The following PCDHA1 variants were observed in gnomAD, a reference collection of about 807,000 sequenced individuals.
PCDHA1 encodes the protein protocadherin alpha 1.
In PCDHA1, 42 loss-of-function variants were observed where a neutral mutation model predicts 61.3. That is an observed-to-expected ratio of 0.69 (90% CI 0.54 to 0.89). The LOEUF is 0.89. Among genes scored for constraint, PCDHA1 ranks in the 40% least tolerant of loss-of-function variants. PCDHA1 has a pLI of 0.00. For missense variants in PCDHA1, 1,256 were observed against 1,235.3 expected (o/e 1.02, Z -0.25); for synonymous variants, 610 against 553.8 (o/e 1.10, Z -1.43).
Position 140,927,948 on chromosome 5 carries a change from C to T in PCDHA1, c.2395-51001C>T, listed in dbSNP as rs1012110026. The T allele has an allele frequency of 4.3e-6, 7 of 1,614,072 alleles. No homozygotes were observed. In the African/African-American group the frequency reaches 5.3e-5, roughly 12 times the overall value. On this transcript the variant is annotated intron_variant, in intron 1 of 3. Transcript: ENST00000504120. The stretch of plus-strand genomic sequence containing the variant: ...CTCTTTCGAACCCAGTACCTGAGGA[C>T]GCTGCCCCTGGCACAGTGATTGCTC...
intron 1 of PCDHA1, chr5:140,796,636 G>A (rs1355078220): frequency 1.9e-6 from 3 of 1,613,770 alleles, no homozygotes; most frequent in South Asian, 2.2e-5. Flanking sequence ...CGTGCTGGAC[G>A]AGAACGACAA....
chr5:140,910,958 C>G (rs571427431), intron 1 of PCDHA1, among the ~76,000 whole-genome samples: 2 of 152,220 alleles, frequency 1.3e-5, no homozygotes, highest in East Asian at 3.9e-4. Context: ...TCGAGTGTAG[C>G]ACACCTCCTC....
At chr5:140,996,386 C>G (rs574909973) in intron 3 of PCDHA1, among the ~76,000 whole-genome samples, 1 of 152,268 alleles carries the variant, frequency 6.6e-6, no homozygotes, top group South Asian at 2.1e-4. Flanking sequence ...GAAATAATGC[C>G]TCATAGAGTT....
At chr5:140,803,147 G>A in intron 1 of PCDHA1, 1 of 1,613,888 alleles carries the variant, frequency 6.2e-7, no homozygotes, top group Admixed American at 1.7e-5. Context: ...TACTGGTGCT[G>A]GTGAAGGACC....
Position 140,857,753 on chromosome 5 carries a change from G to C in PCDHA1, c.2394+69069G>C, listed in dbSNP as rs782054220. 1.3e-5 allele frequency: 20 copies of C among 1,597,296 alleles called. No individual in the cohort carries two copies. The East Asian group carries it at 4.5e-4, about 36-fold the overall frequency. On this transcript the variant is annotated intron_variant, in intron 1 of 3. Coordinates refer to ENST00000504120, the MANE Select transcript of PCDHA1 (RefSeq NM_018900.4). ...CGCTCCCGCGCTGCTGGCGTCTCCC[G>C]CTGGCAGCGCGGGCGGTGCAGTCAG... is the stretch of plus-strand genomic sequence containing the variant.
chr5:140,982,741 T>C (rs2097000256), intron 3 of PCDHA1, among the ~76,000 whole-genome samples, 178 bp downstream of exon 3: 1 of 152,164 alleles, frequency 6.6e-6, no homozygotes, highest in Admixed American at 6.6e-5. Flanking sequence ...TACCTAATGC[T>C]CTTCAGGAGT....
chr5:140,830,031 T>G (rs1243555382), intron 1 of PCDHA1: 1 of 1,613,728 alleles, frequency 6.2e-7, no homozygotes, highest in Non-Finnish European at 8.5e-7. Context: ...CGCCACCGGC[T>G]GCTGGTGCTG....
At chr5:140,914,488 G>T (rs1437401245) in intron 1 of PCDHA1, among the ~76,000 whole-genome samples, 1 of 152,080 alleles carries the variant, frequency 6.6e-6, no homozygotes, top group Non-Finnish European at 1.5e-5. Flanking sequence ...AGTGTTTCTT[G>T]TGGGCAACAG....
chr5:141,003,044 T>C (rs1459180030), intron 3 of PCDHA1, among the ~76,000 whole-genome samples: 1 of 152,230 alleles, frequency 6.6e-6, no homozygotes, highest in African/African-American at 2.4e-5. Flanking sequence ...CCTCCTGGCC[T>C]TAACAGAACA....
intron 3 of PCDHA1, among the ~76,000 whole-genome samples, chr5:140,996,256 A>C (rs2097718697): frequency 6.6e-6 from 1 of 152,252 alleles, no homozygotes. Flanking sequence ...TGACAGCAAC[A>C]CAGAGCCTGG....
In PCDHA1 at chr5:140,883,232, G is replaced by C. The variant is rs782490836; in HGVS notation, c.2394+94548G>C. 3 of 1,613,952 alleles carry C rather than the reference G, an allele frequency of 1.9e-6. No individual in the cohort carries two copies. The Admixed American group carries it at 5.0e-5, about 27-fold the overall frequency. On this transcript the variant is annotated intron_variant, in intron 1 of 3. Transcript: ENST00000504120. ...GAAATTATATGAAATATCCGTGGAGGCAGTTGACAAAGGAAATATTCCAAT... is the reference window on the plus strand; with the variant it reads ...GAAATTATATGAAATATCCGTGGAGCCAGTTGACAAAGGAAATATTCCAAT...
intron 1 of PCDHA1, among the ~76,000 whole-genome samples, chr5:140,953,278 T>C (rs1227774652): frequency 6.6e-5 from 10 of 152,146 alleles, no homozygotes; most frequent in African/African-American, 2.4e-4. Flanking sequence ...CTTTGCTCTT[T>C]ATATGTGATT....
chr5:140,821,899 A>T, intron 1 of PCDHA1: 2 of 1,614,162 alleles, frequency 1.2e-6, no homozygotes, highest in Non-Finnish European at 1.7e-6. Context: ...CAAACACGGA[A>T]CCTTCGTTGG....
chr5:140,927,193 C>A, intron 1 of PCDHA1: 1 of 1,614,186 alleles, frequency 6.2e-7, no homozygotes, highest in Non-Finnish European at 8.5e-7. Context: ...CGACCTGGTG[C>A]TCGAGGACCC....
At chr5:140,805,063 T>C (rs2149982428) in intron 1 of PCDHA1, 2 of 1,593,126 alleles carry the variant, frequency 1.3e-6, no homozygotes, top group Non-Finnish European at 1.7e-6. Flanking sequence ...TTCCCAGATA[T>C]GGAACTTCAA....
intron 3 of PCDHA1, among the ~76,000 whole-genome samples, chr5:140,996,702 T>A (rs2097740306): frequency 6.6e-6 from 1 of 152,174 alleles, no homozygotes; most frequent in African/African-American, 2.4e-5. Context: ...TGAACCTCTA[T>A]CTCTTTGATT....
intron 2 of PCDHA1, among the ~76,000 whole-genome samples, chr5:140,981,053 A>T (rs1422870263): frequency 6.6e-6 from 1 of 152,206 alleles, no homozygotes; most frequent in Non-Finnish European, 1.5e-5. Flanking sequence ...AGATAATTCT[A>T]GAGTGTAGAC....
chr5:140,809,064 T>C (rs543142225), intron 1 of PCDHA1: 3 of 1,613,792 alleles, frequency 1.9e-6, no homozygotes, highest in South Asian at 2.2e-5. Flanking sequence ...CGCGTGGGGC[T>C]GTACACTGGC....
At chr5:140,882,150 C>A in intron 1 of PCDHA1, 1 of 1,501,768 alleles carries the variant, frequency 6.7e-7, no homozygotes, top group Non-Finnish European at 8.9e-7. Context: ...TAGCAGAAAG[C>A]GGAATACCTC....
Sources: gnomAD v4.1 joint callset for allele counts (sites outside exome capture counted in the v4.1 genomes callset) on GRCh38, gnomAD v4.1.1 for gene constraint, MANE v1.5 for transcripts, NCBI Gene and HGNC (gene_info 2026-07-23, HGNC 2026-07-21) for gene names.